The following PRKG1 variants were observed in gnomAD, a reference collection of about 807,000 sequenced individuals.
The protein encoded by PRKG1 is protein kinase cGMP-dependent 1, also known as cGMP-dependent protein kinase 1.
PRKG1 carries 35 observed loss-of-function variants against 88.1 expected under a neutral mutation model. The ratio of observed to expected loss-of-function variants is 0.40; its 90% confidence interval spans 0.30 to 0.53. The LOEUF (loss-of-function observed/expected upper bound fraction) is 0.53, where lower values mean the gene tolerates loss of function less well. Among genes scored for constraint, PRKG1 ranks in the 20% least tolerant of loss-of-function variants. The pLI is 0.59. For synonymous variants in PRKG1, 303 were observed against 292.5 expected (o/e 1.04, Z -0.37); for missense variants, 540 against 839.8 (o/e 0.64, Z 4.41).
chr10:51,086,376 A>G (rs367817087), intron 1 of PRKG1, among the ~76,000 whole-genome samples: 1 of 152,238 alleles, frequency 6.6e-6, no homozygotes, highest in Admixed American at 6.5e-5. Context: ...TCTGATAGAT[A>G]ACAGCTAAAA....
chr10:52,175,404 C>G (rs552551919), intron 9 of PRKG1, among the ~76,000 whole-genome samples: 1 of 152,110 alleles, frequency 6.6e-6, no homozygotes, highest in South Asian at 2.1e-4. Context: ...CATATCAACA[C>G]CCAGGTTGAT....
At chr10:51,478,785 A>G (rs985481268) in intron 3 of PRKG1, among the ~76,000 whole-genome samples, 19 of 151,958 alleles carry the variant, frequency 1.3e-4, no homozygotes, top group Non-Finnish European at 2.6e-4. Context: ...AAATGGCCCA[A>G]TCTACGTGGA....
At chr10:51,902,986 A>G (rs548165744) in intron 4 of PRKG1, among the ~76,000 whole-genome samples, 40 of 152,316 alleles carry the variant, frequency 2.6e-4, no homozygotes, top group African/African-American at 9.1e-4. Flanking sequence ...GTTATTCTAT[A>G]TGTGCTCCCA....
intron 1 of PRKG1, among the ~76,000 whole-genome samples, chr10:51,108,727 C>T (rs1293531919): frequency 6.6e-6 from 1 of 152,112 alleles, no homozygotes; most frequent in African/African-American, 2.4e-5. Flanking sequence ...ATGAGGATGC[C>T]TCTCTTTCCA....
intron 2 of PRKG1, among the ~76,000 whole-genome samples, chr10:51,457,337 A>G (rs1329758213): frequency 6.6e-6 from 1 of 152,214 alleles, no homozygotes; most frequent in Non-Finnish European, 1.5e-5. Context: ...TAGAAAATCA[A>G]ATATGGTATG....
intron 9 of PRKG1, 129 bp downstream of exon 9, chr10:52,162,092 A>C (rs1180297834): frequency 1.3e-6 from 1 of 750,418 alleles, no homozygotes; most frequent in African/African-American, 1.8e-5. Flanking sequence ...GAGACAAAGA[A>C]GCAAACTCTT....
In PRKG1 at chr10:51,852,359, TAC is replaced by T. The variant is rs199614653; in HGVS notation, c.698+47683_698+47684del. Among the ~76,000 whole-genome samples, 169 of 149,512 alleles carry T rather than the reference TAC, an allele frequency of 1.1e-3. 1 individual carries two copies. Among genetic ancestry groups the T allele is most frequent in the African/African-American group, 1.3e-3 (53 of 40,664 alleles). On this transcript the variant is annotated intron_variant, in intron 4 of 17. Transcript: ENST00000373980. ...ATACACACACACACATACATAGATA[TAC>T]ACACACACACACATAGAGAGAGAGA...
intron 2 of PRKG1, among the ~76,000 whole-genome samples, chr10:51,426,713 C>T (rs1001434972): frequency 4.6e-5 from 7 of 151,664 alleles, no homozygotes; most frequent in Non-Finnish European, 8.8e-5. Flanking sequence ...CACACACACA[C>T]ATATACAGAA....
chr10:51,319,700 C>T (rs1841405943), intron 2 of PRKG1: 1 of 152,174 alleles, frequency 6.6e-6, no homozygotes, highest in Non-Finnish European at 1.5e-5. Context: ...ATTCAAATAA[C>T]CATGGCTTTA....
At chr10:51,031,127 G>A (rs145083200) in intron 1 of PRKG1, among the ~76,000 whole-genome samples, 2 of 152,128 alleles carry the variant, frequency 1.3e-5, no homozygotes, top group African/African-American at 2.4e-5. Flanking sequence ...ATTTTCAAAA[G>A]TATTCATTGA....
At chr10:51,746,676 T>C (rs555791227) in intron 3 of PRKG1, among the ~76,000 whole-genome samples, 100 of 150,134 alleles carry the variant, frequency 6.7e-4, no homozygotes, top group Non-Finnish European at 1.3e-3. Flanking sequence ...TGAGCAGATA[T>C]GAGGTCACCG....
chr10:51,518,198 A>G (rs572429660), intron 3 of PRKG1, among the ~76,000 whole-genome samples: 5 of 152,092 alleles, frequency 3.3e-5, no homozygotes, highest in African/African-American at 9.7e-5. Flanking sequence ...GGGTTTCACC[A>G]TGTTGGCCAG....
At position 51,611,141 on chromosome 10, in the gene PRKG1, C is replaced by T. The variant is rs532760347; in HGVS notation, c.592+143305C>T. Among the ~76,000 whole-genome samples the T allele has an allele frequency of 9.4e-4, 143 of 151,818 alleles. 3 individuals carry two copies. In the South Asian group the frequency reaches 0.022, roughly 23 times the overall value. On this transcript the variant is annotated intron_variant, in intron 3 of 17. Coordinates refer to ENST00000373980, the MANE Select transcript of PRKG1 (RefSeq NM_006258.4). ...ATTTATTTCCTTTTGGATAAATACA[C>T]AGTAGTGGGATTGCTGGATAGTGTG...
Position 51,683,995 on chromosome 10 carries a change from A to G in PRKG1, c.593-120590A>G, listed in dbSNP as rs117239514. 5.3e-3 allele frequency among the ~76,000 whole-genome samples: 812 copies of G among 152,334 alleles called. 6 individuals carry two copies. The highest frequency in any genetic ancestry group is 7.9e-3 in the Non-Finnish European group (536 of 68,036). On this transcript the variant is annotated intron_variant, in intron 3 of 17. Transcript: ENST00000373980. The stretch of plus-strand genomic sequence containing the variant: ...CTAATGGTTCCTCTGAAGTTAACAT[A>G]AAGTTCCTATATGATGTAGCAATTC...
intron 4 of PRKG1, among the ~76,000 whole-genome samples, chr10:51,886,350 T>C (rs1841568517): frequency 6.6e-6 from 1 of 152,200 alleles, no homozygotes; most frequent in South Asian, 2.1e-4. Context: ...ACATCATCAT[T>C]GGCACTTAAT....
intron 7 of PRKG1, among the ~76,000 whole-genome samples, chr10:52,110,042 C>T (rs1480814152): frequency 6.6e-6 from 1 of 151,764 alleles, no homozygotes; most frequent in East Asian, 1.9e-4. Context: ...CTACTCAACA[C>T]TCTTTAGAAG....
At chr10:51,386,525 G>A (rs1837252809) in intron 2 of PRKG1, among the ~76,000 whole-genome samples, 3 of 152,218 alleles carry the variant, frequency 2.0e-5, no homozygotes, top group Middle Eastern at 3.4e-3. Context: ...GGCTGGAAAA[G>A]ACTAATGTCC....
At chr10:51,684,782 G>A (rs1840943511) in intron 3 of PRKG1, among the ~76,000 whole-genome samples, 2 of 152,222 alleles carry the variant, frequency 1.3e-5, no homozygotes, top group Middle Eastern at 3.4e-3. Context: ...TGGGAGGATC[G>A]CTTGAGCCTG....
At chr10:51,527,206 G>T (rs992605490) in intron 3 of PRKG1, among the ~76,000 whole-genome samples, 2 of 152,018 alleles carry the variant, frequency 1.3e-5, no homozygotes, top group African/African-American at 4.8e-5. Context: ...AGGAATGATT[G>T]TATGAGATAC....
Sources: gnomAD v4.1 joint callset for allele counts (sites outside exome capture counted in the v4.1 genomes callset) on GRCh38, gnomAD v4.1.1 for gene constraint, MANE v1.5 for transcripts, NCBI Gene and HGNC (gene_info 2026-07-23, HGNC 2026-07-21) for gene names.